RNF213: variants seen among roughly 807,000 people sequenced by gnomAD.
The protein encoded by RNF213 is E3 ubiquitin-protein ligase RNF213.
RNF213 carries 341 observed loss-of-function variants against 514.4 expected under a neutral mutation model. The observed-to-expected ratio is 0.66, with a 90% CI of 0.61 to 0.73. The LOEUF (loss-of-function observed/expected upper bound fraction) is 0.73, where lower values mean the gene tolerates loss of function less well. RNF213 is among the 30% of genes least tolerant of loss of function. The pLI, the probability that RNF213 is intolerant of heterozygous loss-of-function variation, is 0.00. For missense variants in RNF213, 5,767 were observed against 6,615.6 expected, an observed-to-expected ratio of 0.87 and a Z score of 4.45; for synonymous variants, 2,655 against 2,658.2, an observed-to-expected ratio of 1.00 and a Z score of 0.04.
chr17:80,375,936 T>G, intron 51 of RNF213, 66 bp downstream of exon 51: 1 of 1,183,118 alleles, frequency 8.5e-7, no homozygotes, highest in South Asian at 1.2e-5. Flanking sequence ...TTGAATAGAA[T>G]GAAAGTTATC....
rs1483547239 is a variant in RNF213 at position 80,363,901 on chromosome 17, G to A, written c.11750+111G>A. On this transcript the variant is annotated intron_variant, in intron 41 of 67. Coordinates refer to ENST00000582970, the MANE Select transcript of RNF213 (RefSeq NM_001256071.3). ...ACGGGCAGGTGCTCCTGCCATGGGA[G>A]GGGCTCCGTCCTCACCCGTTCACTC... The A allele has an allele frequency of 5.6e-6, 6 of 1,067,168 alleles. No homozygotes were observed. The Admixed American group carries it at 7.9e-5, about 14-fold the overall frequency. 66.1% of individuals were successfully genotyped at this position (1,067,168 alleles called of 1,614,324 possible).
In RNF213 at chr17:80,332,104, C is replaced by T. The variant is rs1266755607; in HGVS notation, c.3616C>T (p.Gln1206Ter). The change falls in exon 21 of 68, where the codon CAG becomes TAG. Residue 1206 changes from glutamine (Q) to a stop codon, truncating the protein, a stop_gained. Coordinates refer to ENST00000582970, the MANE Select transcript of RNF213 (RefSeq NM_001256071.3). LOFTEE classifies it high-confidence loss of function. ...TVRLSTSSNS[Q>*]RATHYHLSSQ... The stretch of plus-strand genomic sequence containing the variant: ...GAGACTGTCCACCTCCTCGAACTCG[C>T]AGAGGGCAACGCATTACCACCTGAG... 6.5e-7 allele frequency: 1 copy of T among 1,537,212 alleles called. No homozygotes were observed. Among genetic ancestry groups the T allele is most frequent in the South Asian group, 1.2e-5 (1 of 84,064 alleles).
chr17:80,273,461 C>G, intron 3 of RNF213, 57 bp downstream of exon 3: 4 of 1,603,050 alleles, frequency 2.5e-6, no homozygotes, highest in Non-Finnish European at 3.4e-6. Flanking sequence ...AGGAAAATCT[C>G]ACTGCACAGC....
At chr17:80,269,411 C>CTAT (rs879734379) in intron 2 of RNF213, among the ~76,000 whole-genome samples, 2,721 of 147,580 alleles carry the variant, frequency 0.018, 44 homozygotes, top group East Asian at 0.11. Flanking sequence ...TATCATCTAT[C>CTAT]CATCCATCCA....
chr17:80,346,603 C>A lies in RNF213; in HGVS notation c.8268C>A (p.Val2756=), dbSNP rs779290443. The change falls in exon 29 of 68, where the codon GTC becomes GTA. Residue 2756 remains valine, a synonymous_variant. Transcript: ENST00000582970. This position sits in a 1 kb window ranked among gnomAD's most constrained non-coding sequence, Gnocchi z 8.1. ...TGAAGGAGAACGTCTTCATGATGGT[C>A]GTCTGCATCGAGCTGAAGATTCCCC... ...LALKENVFMM[V]VCIELKIPLF... The A allele has an allele frequency of 1.9e-6, 3 of 1,613,206 alleles. No homozygotes were observed. The highest frequency in any genetic ancestry group is 2.2e-5 in the South Asian group (2 of 91,054).
chr17:80,366,544 G>C (rs942018167), intron 42 of RNF213, among the ~76,000 whole-genome samples: 1 of 152,070 alleles, frequency 6.6e-6, no homozygotes, highest in African/African-American at 2.4e-5. Context: ...CTGGAGAAAT[G>C]TCCATTCAAG....
chr17:80,274,549 T>C (rs542392405), intron 3 of RNF213, among the ~76,000 whole-genome samples: 1 of 98,084 alleles, frequency 1.0e-5, no homozygotes, highest in South Asian at 4.3e-4. Flanking sequence ...ATGGTTGGGC[T>C]ATGGTGGGAA....
At chr17:80,276,399 C>T (rs527621120) in intron 3 of RNF213, among the ~76,000 whole-genome samples, 2 of 152,282 alleles carry the variant, frequency 1.3e-5, no homozygotes, top group South Asian at 4.1e-4. Context: ...CACGCCTGCC[C>T]TATTTTTTAT....
chr17:80,363,047 A>C, intron 39 of RNF213, 55 bp from the exon 40 acceptor site: 1 of 1,495,326 alleles, frequency 6.7e-7, no homozygotes, highest in Non-Finnish European at 9.2e-7. Flanking sequence ...CCACGGGGAA[A>C]ACATACCATT....
At chr17:80,336,112 T>C (rs1160593000) in intron 22 of RNF213, 49 bp from the exon 23 acceptor site, 2 of 1,428,168 alleles carry the variant, frequency 1.4e-6, no homozygotes, top group Admixed American at 2.0e-5. Flanking sequence ...CCGAGTCTTG[T>C]GCTATCGTGG....
In RNF213 at chr17:80,294,704, C is replaced by T. The variant is rs1237514653; in HGVS notation, c.1472-16C>T. The T allele has an allele frequency of 6.2e-7, 1 of 1,613,548 alleles. No homozygotes were observed. The highest frequency in any genetic ancestry group is 1.3e-5 in the African/African-American group (1 of 74,980). On this transcript the variant is annotated splice_polypyrimidine_tract_variant and intron_variant, in intron 8 of 67. Transcript: ENST00000582970. ...GATGGTCTTAGGTAGGCTCTTGTTC[C>T]TTCTGTCCCTCTTAGACTGGCATCA...
At position 80,385,102 on chromosome 17, in the gene RNF213, A is replaced by G. The variant is rs1367404531; in HGVS notation, c.14386A>G (p.Lys4796Glu). 6.2e-7 allele frequency: 1 copy of G among 1,614,156 alleles called. No individual in the cohort carries two copies. Among genetic ancestry groups the G allele is most frequent in the South Asian group, 1.1e-5 (1 of 91,084 alleles). Residue 4796 changes from lysine to glutamate, a missense_variant, in exon 60 of 68, where the codon AAG becomes GAG. Lys to Glu is a moderately conservative substitution (Grantham distance 56, BLOSUM62 1). Transcript: ENST00000582970. ...EILALQRDLVKQFQNVQQVEY... is the reference protein window; with the variant it reads ...EILALQRDLVEQFQNVQQVEY... The stretch of plus-strand genomic sequence containing the variant: ...TTTGGCCTTGCAAAGGGATCTAGTG[A>G]AGCAGTTCCAGAACGTCCAGCAAGT...
At chr17:80,312,389 G>A (rs2045601343) in intron 14 of RNF213, among the ~76,000 whole-genome samples, 1 of 152,120 alleles carries the variant, frequency 6.6e-6, no homozygotes, top group South Asian at 2.1e-4. Flanking sequence ...GAGGCGGGGG[G>A]AGAGCATGAT....
At chr17:80,277,396 A>G (rs1363139786) in intron 3 of RNF213, among the ~76,000 whole-genome samples, 1 of 151,898 alleles carries the variant, frequency 6.6e-6, no homozygotes, top group Non-Finnish European at 1.5e-5. Flanking sequence ...TCAGGAGTTC[A>G]AGACCAACCT....
chr17:80,297,036 A>G (rs1182655946), intron 10 of RNF213, among the ~76,000 whole-genome samples: 2 of 152,070 alleles, frequency 1.3e-5, no homozygotes, highest in African/African-American at 4.8e-5. Flanking sequence ...AAAGAGGAGG[A>G]GTGGAGGCAA....
chr17:80,261,349 C>G (rs2043411654), intron 1 of RNF213, among the ~76,000 whole-genome samples: 1 of 152,248 alleles, frequency 6.6e-6, no homozygotes, highest in Non-Finnish European at 1.5e-5. Context: ...AGACTCCTAA[C>G]TTTTACGAGG....
chr17:80,368,427 G>A (rs1331349122), intron 44 of RNF213, among the ~76,000 whole-genome samples: 1 of 135,746 alleles, frequency 7.4e-6, no homozygotes, highest in East Asian at 2.0e-4. Context: ...GAATGTAGAC[G>A]CCAGTGTTTT....
At chr17:80,287,663 C>A (rs1598923969) in intron 3 of RNF213, 152 bp from the exon 4 acceptor site, 13 of 433,140 alleles carry the variant, frequency 3.0e-5, no homozygotes, top group East Asian at 1.8e-4. Flanking sequence ...TAATTTCATT[C>A]TTTCCAGGAA....
rs149136204 is a variant in RNF213 at position 80,319,280 on chromosome 17, T to C, written c.2992T>C (p.Cys998Arg). The C allele has an allele frequency of 6.2e-6, 10 of 1,613,964 alleles. No homozygotes were observed. The highest frequency in any genetic ancestry group is 7.6e-6 in the Non-Finnish European group (9 of 1,180,018). Residue 998 changes from cysteine to arginine, a missense_variant, in exon 17 of 68, where the codon TGC becomes CGC. Physicochemically the swap from Cys to Arg is radical, Grantham distance 180. Coordinates refer to ENST00000582970, the MANE Select transcript of RNF213 (RefSeq NM_001256071.3). The stretch of plus-strand genomic sequence containing the variant: ...CAGTGTGGCCAAGACCTTCGAGAAA[T>C]GCATCATTGAAGCCGTGAGCTCAGC... The part of the protein sequence containing the change: ...EDSVAKTFEK[C>R]IIEAVSSACQ...
Sources: gnomAD v4.1 joint callset for allele counts (sites outside exome capture counted in the v4.1 genomes callset) on GRCh38, gnomAD v4.1.1 for gene constraint, Gnocchi (gnomAD v3.1) non-coding constraint, MANE v1.5 for transcripts, NCBI Gene and HGNC (gene_info 2026-07-23, HGNC 2026-07-21) for gene names.